Variants in LRBA observed in about 807,000 individuals in gnomAD.
LRBA encodes LPS responsive beige-like anchor protein, also known as lipopolysaccharide-responsive and beige-like anchor protein.
In LRBA, 176 loss-of-function variants were observed where a neutral mutation model predicts 330.0. The ratio of observed to expected loss-of-function variants is 0.53; its 90% CI spans 0.47 to 0.60. The LOEUF (loss-of-function observed/expected upper bound fraction) is 0.60. Ranked by LOEUF, LRBA falls within the 20% of genes least tolerant of loss-of-function variation. LRBA has a pLI of 0.00. For synonymous variants in LRBA, 1,230 were observed against 1,193.0 expected (o/e 1.03, Z -0.64); for missense variants, 3,259 against 3,444.8 (o/e 0.95, Z 1.35).
At chr4:150,833,023 G>T (rs1747430163) in intron 28 of LRBA, among the ~76,000 whole-genome samples, 1 of 152,008 alleles carries the variant, frequency 6.6e-6, no homozygotes, top group African/African-American at 2.4e-5. Flanking sequence ...CAATCCTCCT[G>T]CCTTAGCCTC....
chr4:150,815,482 G>A (rs1744441781), intron 31 of LRBA, among the ~76,000 whole-genome samples: 1 of 151,734 alleles, frequency 6.6e-6, no homozygotes. Flanking sequence ...GAATGACAGG[G>A]TATTTGAGAA....
At chr4:150,485,964 T>C (rs1052041296) in intron 42 of LRBA, among the ~76,000 whole-genome samples, 3 of 151,864 alleles carry the variant, frequency 2.0e-5, no homozygotes, top group African/African-American at 7.3e-5. Context: ...GTGGCCAAAG[T>C]GTACAAACTT....
chr4:150,275,150 A>G (rs1434651671), intron 56 of LRBA, among the ~76,000 whole-genome samples: 1 of 152,234 alleles, frequency 6.6e-6, no homozygotes, highest in Non-Finnish European at 1.5e-5. Context: ...AAAGTAATCC[A>G]TCACATAAAC....
At chr4:150,975,006 C>G (rs1739988114) in intron 2 of LRBA, among the ~76,000 whole-genome samples, 1 of 152,162 alleles carries the variant, frequency 6.6e-6, no homozygotes, top group African/African-American at 2.4e-5. Context: ...AATAAATCAG[C>G]CTTCTCCAAG....
At chr4:150,904,499 A>G (rs1197615208) in intron 13 of LRBA, among the ~76,000 whole-genome samples, 1 of 152,176 alleles carries the variant, frequency 6.6e-6, no homozygotes, top group East Asian at 1.9e-4. Flanking sequence ...AGAGTATAAT[A>G]ATACTAGGAA....
chr4:150,740,884 A>C (rs1242572979), intron 35 of LRBA, among the ~76,000 whole-genome samples: 3 of 152,088 alleles, frequency 2.0e-5, no homozygotes, highest in African/African-American at 7.2e-5. Context: ...GATGATAATA[A>C]TGATAATGAT....
intron 53 of LRBA, among the ~76,000 whole-genome samples, chr4:150,301,263 C>T (rs1580946899): frequency 6.6e-6 from 1 of 152,108 alleles, no homozygotes; most frequent in South Asian, 2.1e-4. Flanking sequence ...CTGAAATTTG[C>T]ATCTTTGTAA....
chr4:150,528,823 T>A (rs895654808), intron 40 of LRBA, among the ~76,000 whole-genome samples: 1 of 152,110 alleles, frequency 6.6e-6, no homozygotes, highest in African/African-American at 2.4e-5. Context: ...AAGATGCTTG[T>A]GAAATAACTG....
chr4:150,877,513 G>C (rs1273454657), intron 17 of LRBA, among the ~76,000 whole-genome samples: 1 of 152,148 alleles, frequency 6.6e-6, no homozygotes, highest in Non-Finnish European at 1.5e-5. Context: ...CAATAGTAGA[G>C]CAATCAGATA....
chr4:150,579,201 T>G (rs1312414889), intron 40 of LRBA: 1 of 456,682 alleles, frequency 2.2e-6, no homozygotes, highest in Non-Finnish European at 4.4e-6. Context: ...GAGCTGCTGA[T>G]GGACTTCTAT....
intron 47 of LRBA, among the ~76,000 whole-genome samples, chr4:150,413,347 T>C (rs981131934): frequency 1.3e-5 from 2 of 152,184 alleles, no homozygotes; most frequent in African/African-American, 2.4e-5. Context: ...CCAAGACTTA[T>C]ACGCAAATAT....
intron 40 of LRBA, among the ~76,000 whole-genome samples, chr4:150,507,087 C>G: frequency 6.6e-6 from 1 of 151,544 alleles, no homozygotes; most frequent in Non-Finnish European, 1.5e-5. Context: ...AGGATACAAA[C>G]AAATGGAAGA....
intron 30 of LRBA, among the ~76,000 whole-genome samples, chr4:150,825,594 G>A (rs1407559902): frequency 6.6e-6 from 1 of 151,932 alleles, no homozygotes; most frequent in Admixed American, 6.6e-5. Context: ...GTCTTGAACT[G>A]CTGATCTCAA....
chr4:150,594,226 A>C (rs1773221139), intron 38 of LRBA, among the ~76,000 whole-genome samples: 1 of 152,078 alleles, frequency 6.6e-6, no homozygotes, highest in African/African-American at 2.4e-5. Flanking sequence ...AGTTAGCAGC[A>C]GTAAAATTAC....
rs1044519164 is a variant in LRBA, at chr4:150,590,774, G to A, written c.6132C>T (p.Leu2044=). Reference sequence around the variant, plus strand: ...ACAGAGTATCATCATCGCCTTCCAGGAGGATCTCGTTTTCTGAGTTCTGAT... The same window carrying A: ...ACAGAGTATCATCATCGCCTTCCAGAAGGATCTCGTTTTCTGAGTTCTGAT... ...LGNQNSENEI[L]LEGDDDTLSS... is the part of the protein sequence containing the mutation. Residue 2044 remains leucine (L), a synonymous_variant, in exon 39 of 57, where the codon CTC becomes CTT. Transcript: ENST00000651943. The A allele has an allele frequency of 6.2e-7, 1 of 1,613,790 alleles. No homozygotes were observed. The highest frequency in any genetic ancestry group is 8.5e-7 in the Non-Finnish European group (1 of 1,179,860).
At position 150,826,460 on chromosome 4, in the gene LRBA, A is replaced by T. The variant is rs866772254; in HGVS notation, c.5171+1720T>A. On this transcript the variant is annotated intron_variant, in intron 30 of 56. Transcript: ENST00000651943. ...TGATCATGACTGCCCTTATCTATTAATATAAAGCTGCTAACCCCTGAGCCT... is the reference window on the plus strand; with the variant it reads ...TGATCATGACTGCCCTTATCTATTATTATAAAGCTGCTAACCCCTGAGCCT... Among the ~76,000 whole-genome samples, 9 of 152,298 alleles carry T rather than the reference A, an allele frequency of 5.9e-5. No individual in the cohort carries two copies. The South Asian group carries it at 1.7e-3, about 28-fold the overall frequency.
rs1195312718 is a variant in LRBA, at chr4:150,887,092, TATA to T, written c.2165+5957_2165+5959del. On this transcript the variant is annotated intron_variant, in intron 17 of 56. Coordinates refer to ENST00000651943, the MANE Select transcript of LRBA (RefSeq NM_001364905.1). Reference sequence around the variant, plus strand: ...TGTATTAATATATCACAATATTGCATATAATATGTACAATTATTGTCAATTTAA... The same window carrying T: ...TGTATTAATATATCACAATATTGCATATATGTACAATTATTGTCAATTTAA... 2.3e-4 allele frequency among the ~76,000 whole-genome samples: 35 copies of T among 152,342 alleles called. 1 individual carries two copies. Among genetic ancestry groups the T allele is most frequent in the East Asian group, 1.3e-3 (7 of 5,188 alleles).
At chr4:150,902,095 T>C (rs937825907) in intron 13 of LRBA, among the ~76,000 whole-genome samples, 6 of 152,108 alleles carry the variant, frequency 3.9e-5, no homozygotes, top group African/African-American at 1.4e-4. Flanking sequence ...AAAAAAGTCA[T>C]GAAGCAATAT....
chr4:150,922,181 A>G (rs570955697), intron 4 of LRBA, among the ~76,000 whole-genome samples: 235 of 152,244 alleles, frequency 1.5e-3, no homozygotes, highest in African/African-American at 5.4e-3. Context: ...TTTTAAAAAT[A>G]TAAACTACAT....
Sources: gnomAD v4.1 joint callset for allele counts (sites outside exome capture counted in the v4.1 genomes callset) on GRCh38, gnomAD v4.1.1 for gene constraint, MANE v1.5 for transcripts, NCBI Gene and HGNC (gene_info 2026-07-23, HGNC 2026-07-21) for gene names.